OLA1: variants seen among roughly 807,000 people sequenced by gnomAD.
The protein encoded by OLA1 is obg-like ATPase 1.
A neutral mutation model predicts 48.4 loss-of-function variants in OLA1; 14 were observed. That is an observed-to-expected ratio of 0.29 (90% confidence interval 0.19 to 0.45). The LOEUF is 0.45. Among genes scored for constraint, OLA1 ranks in the 20% least tolerant of loss-of-function variants. OLA1 has a pLI of 1.00. For synonymous variants in OLA1, 127 were observed against 150.4 expected (o/e 0.84, Z 1.14); for missense variants, 325 against 467.1 (o/e 0.70, Z 2.80).
intron 7 of OLA1, among the ~76,000 whole-genome samples, chr2:174,112,398 G>T (rs1685674335): frequency 6.6e-6 from 1 of 152,118 alleles, no homozygotes; most frequent in South Asian, 2.1e-4. Flanking sequence ...AATATAACTG[G>T]CATAAGGTCA....
chr2:174,228,995 G>T (rs1688672082), intron 3 of OLA1, among the ~76,000 whole-genome samples: 1 of 152,140 alleles, frequency 6.6e-6, no homozygotes, highest in Non-Finnish European at 1.5e-5. Context: ...TCCTGCCTCA[G>T]CCTCCCAAGT....
In OLA1 at chr2:174,123,231, A is replaced by C. The variant is rs1234171452; in HGVS notation, c.677T>G (p.Val226Gly). The C allele has an allele frequency of 3.2e-6, 5 of 1,577,744 alleles. No individual in the cohort carries two copies. The highest frequency in any genetic ancestry group is 4.3e-6 in the Non-Finnish European group (5 of 1,153,700). Residue 226 changes from valine to glycine, a missense_variant, in exon 7 of 11, where the codon GTC becomes GGC. Val to Gly is a moderately radical substitution (Grantham distance 109, BLOSUM62 -3). Coordinates refer to ENST00000284719, the MANE Select transcript of OLA1 (RefSeq NM_013341.5). ...TTTTTCAGAAAGATTAACCAAGTAG[A>C]CCATTGGTTTTGAAGTCAAAAATAA... ...KHLFLTSKPM[V>G]YLVNLSEKDY... is the part of the protein sequence containing the mutation.
Position 174,243,373 on chromosome 2 carries a change from G to A in OLA1, c.101+3342C>T, listed in dbSNP as rs138011583. Among the ~76,000 whole-genome samples, 19 of 152,290 alleles carry A rather than the reference G, an allele frequency of 1.2e-4. No individual in the cohort carries two copies. In the East Asian group the frequency reaches 3.1e-3, roughly 25 times the overall value. On this transcript the variant is annotated intron_variant, in intron 2 of 10. Transcript: ENST00000284719. ...GAGCCCGGGAGATTTAGGCTGCAGT[G>A]AGCCATGATCATGCCACCGCACTCC...
chr2:174,209,352 T>A (rs949814193), intron 4 of OLA1, among the ~76,000 whole-genome samples: 1 of 152,178 alleles, frequency 6.6e-6, no homozygotes, highest in African/African-American at 2.4e-5. Context: ...CTCTGATATA[T>A]GACTAATTTT....
rs536678309 is a variant in OLA1, at chr2:174,204,215, C to A, written c.373+18818G>T. On this transcript the variant is annotated intron_variant, in intron 4 of 10. Transcript: ENST00000284719. ...AGGAGATCGAGACCATCCTGGCTAACATGGTGAAACCCCGTCTCCACTAAA... is the reference window on the plus strand; with the variant it reads ...AGGAGATCGAGACCATCCTGGCTAAAATGGTGAAACCCCGTCTCCACTAAA... Among the ~76,000 whole-genome samples, 136 of 152,076 alleles carry A rather than the reference C, an allele frequency of 8.9e-4. No homozygotes were observed. The Middle Eastern group carries it at 0.017, about 19-fold the overall frequency.
intron 7 of OLA1, among the ~76,000 whole-genome samples, chr2:174,101,461 C>T (rs1403121741): frequency 1.3e-5 from 2 of 152,160 alleles, no homozygotes; most frequent in African/African-American, 4.8e-5. Context: ...TAGCTGGTGG[C>T]TACTCTACTT....
At chr2:174,230,256 G>A (rs1481958023) in intron 2 of OLA1, among the ~76,000 whole-genome samples, 2 of 151,962 alleles carry the variant, frequency 1.3e-5, no homozygotes, top group Non-Finnish European at 2.9e-5. Flanking sequence ...ATATCATACA[G>A]AGTAAAATCC....
intron 4 of OLA1, among the ~76,000 whole-genome samples, chr2:174,174,137 C>G (rs1687370028): frequency 6.6e-6 from 1 of 151,456 alleles, no homozygotes; most frequent in African/African-American, 2.4e-5. Flanking sequence ...CCTCCATAAA[C>G]TCTTCGAGGA....
intron 4 of OLA1, among the ~76,000 whole-genome samples, chr2:174,211,205 A>ACACT (rs771890298): frequency 2.5e-4 from 31 of 124,326 alleles, no homozygotes; most frequent in East Asian, 7.7e-4. Context: ...ACACACACAC[A>ACACT]CTCTCTCTCT....
intron 7 of OLA1, among the ~76,000 whole-genome samples, chr2:174,087,541 C>G (rs1273631270): frequency 6.7e-6 from 1 of 149,816 alleles, no homozygotes; most frequent in African/African-American, 2.5e-5. Context: ...GACCACACCC[C>G]CTAGTAAAAA....
At chr2:174,089,241 A>C (rs901321309) in intron 7 of OLA1, among the ~76,000 whole-genome samples, 18 of 152,196 alleles carry the variant, frequency 1.2e-4, no homozygotes, top group African/African-American at 4.3e-4. Flanking sequence ...CTTGAACCCC[A>C]CCTCAGATCA....
At chr2:174,230,155 T>C (rs1301160922) in intron 2 of OLA1, among the ~76,000 whole-genome samples, 1 of 152,036 alleles carries the variant, frequency 6.6e-6, no homozygotes, top group African/African-American at 2.4e-5. Context: ...TTTTAAAAAA[T>C]GTGATAACAC....
At chr2:174,158,610 G>C (rs999740427) in intron 4 of OLA1, among the ~76,000 whole-genome samples, 9 of 152,066 alleles carry the variant, frequency 5.9e-5, no homozygotes, top group African/African-American at 2.2e-4. Context: ...AATGCATCAA[G>C]GCTCTTACTA....
At chr2:174,194,586 C>T (rs912060181) in intron 4 of OLA1, among the ~76,000 whole-genome samples, 6 of 152,112 alleles carry the variant, frequency 3.9e-5, no homozygotes, top group Non-Finnish European at 7.4e-5. Flanking sequence ...AAATATTTCC[C>T]GATGACTGGT....
intron 4 of OLA1, among the ~76,000 whole-genome samples, chr2:174,182,342 T>G (rs1057143565): frequency 6.6e-6 from 1 of 152,060 alleles, no homozygotes; most frequent in Non-Finnish European, 1.5e-5. Flanking sequence ...CTGACCAACA[T>G]GAAGAACCCC....
chr2:174,109,136 A>C (rs1685582797), intron 7 of OLA1, among the ~76,000 whole-genome samples: 2 of 152,214 alleles, frequency 1.3e-5, no homozygotes, highest in Non-Finnish European at 2.9e-5. Context: ...TTTCATAGCA[A>C]AAAAAGTCTA....
chr2:174,165,526 G>C (rs1687141161), intron 4 of OLA1, among the ~76,000 whole-genome samples: 1 of 152,208 alleles, frequency 6.6e-6, no homozygotes, highest in African/African-American at 2.4e-5. Flanking sequence ...CTGACACAAA[G>C]ATGGTATAGA....
At chr2:174,176,902 T>C (rs1005212994) in intron 4 of OLA1, among the ~76,000 whole-genome samples, 3 of 152,208 alleles carry the variant, frequency 2.0e-5, no homozygotes, top group Admixed American at 1.3e-4. Flanking sequence ...CTATTTAGTT[T>C]GCTGTATTTT....
intron 5 of OLA1, among the ~76,000 whole-genome samples, chr2:174,126,855 T>C (rs1686056992): frequency 6.6e-6 from 1 of 152,222 alleles, no homozygotes; most frequent in African/African-American, 2.4e-5. Context: ...GTATACTTTT[T>C]CATCTGTATA....
Sources: gnomAD v4.1 joint callset for allele counts (sites outside exome capture counted in the v4.1 genomes callset) on GRCh38, gnomAD v4.1.1 for gene constraint, MANE v1.5 for transcripts, NCBI Gene and HGNC (gene_info 2026-07-23, HGNC 2026-07-21) for gene names.